The following UBTD2 variants were observed in gnomAD, a reference collection of about 807,000 sequenced individuals.
UBTD2 encodes the protein ubiquitin domain-containing protein 2.
A neutral mutation model predicts 19.8 loss-of-function variants in UBTD2; 9 were observed. The ratio of observed to expected loss-of-function variants is 0.46; its 90% CI spans 0.27 to 0.79. The LOEUF is 0.79. UBTD2 is among the 30% of genes least tolerant of loss of function. UBTD2 has a pLI of 0.14. For synonymous variants in UBTD2, 98 were observed against 103.9 expected (o/e 0.94, Z 0.35); for missense variants, 250 against 300.4 (o/e 0.83, Z 1.24).
At chr5:172,269,879 C>T (rs769460932) in intron 1 of UBTD2, among the ~76,000 whole-genome samples, 45 of 151,464 alleles carry the variant, frequency 3.0e-4, no homozygotes, top group African/African-American at 8.5e-4. Flanking sequence ...AGTTCGAGAC[C>T]GGCCTGGCCA....
chr5:172,236,807 T>A (rs559714145), intron 1 of UBTD2, among the ~76,000 whole-genome samples: 2 of 152,138 alleles, frequency 1.3e-5, no homozygotes, highest in Non-Finnish European at 2.9e-5. Context: ...TTACAAAGCA[T>A]GGACAAAAAC....
At chr5:172,266,900 T>C (rs910936229) in intron 1 of UBTD2, among the ~76,000 whole-genome samples, 2 of 152,002 alleles carry the variant, frequency 1.3e-5, no homozygotes, top group African/African-American at 4.8e-5. Flanking sequence ...ATCAGCCAGG[T>C]GCAGTGGTGT....
At chr5:172,280,239 G>A (rs1024837006) in intron 1 of UBTD2, among the ~76,000 whole-genome samples, 1 of 151,560 alleles carries the variant, frequency 6.6e-6, no homozygotes, top group Admixed American at 6.6e-5. Flanking sequence ...GGGCACAGTC[G>A]CTCACACCTG....
rs919067116 is a variant in UBTD2 at position 172,274,632 on chromosome 5, G to T, written c.70+8964C>A. 3.3e-5 allele frequency among the ~76,000 whole-genome samples: 5 copies of T among 152,146 alleles called. No homozygotes were observed. The South Asian group carries it at 1.0e-3, about 31-fold the overall frequency. On this transcript the variant is annotated intron_variant, in intron 1 of 2. Transcript: ENST00000393792. ...CACACCAACCTCAAAAGGGCTACTG[G>T]TATATTCTGGAATTGTATACCTAAG... is the stretch of plus-strand genomic sequence containing the variant.
rs67100133 is a variant in UBTD2 at position 172,211,347 on chromosome 5, CCAAAA to C, written c.*478_*482del. On this transcript the variant is annotated 3_prime_UTR_variant, in exon 3 of 3. Transcript: ENST00000393792. ...TACTGCTCTTTTCAGTTTCCATTAA[CCAAAA>C]CAAAACAAAACAAAACAAAACAAAA... 44,278 of 151,052 alleles carry C rather than the reference CCAAAA, an allele frequency of 0.29. 6,936 individuals carry two copies. The highest frequency in any genetic ancestry group is 0.35 in the Non-Finnish European group (23,987 of 67,746). 9.4% of individuals were successfully genotyped at this position (151,052 alleles called of 1,614,324 possible). A position where few individuals can be genotyped will look rare whatever the true frequency, so the allele number is the denominator to read the frequency against.
chr5:172,218,108 T>C (rs926023960), intron 2 of UBTD2, among the ~76,000 whole-genome samples: 1 of 152,028 alleles, frequency 6.6e-6, no homozygotes, highest in East Asian at 1.9e-4. Flanking sequence ...AAACACACCA[T>C]AACAAAATGA....
chr5:172,241,324 G>A (rs1481316536), intron 1 of UBTD2, among the ~76,000 whole-genome samples: 6 of 151,138 alleles, frequency 4.0e-5, no homozygotes, highest in Non-Finnish European at 1.5e-5. Flanking sequence ...CAGGAAAATC[G>A]CTTGAACCCT....
In UBTD2 at chr5:172,211,577, GT is replaced by G. The variant is rs1771447744; in HGVS notation, c.*252del. 1 of 388,784 alleles carries G rather than the reference GT, an allele frequency of 2.6e-6. No homozygotes were observed. Among genetic ancestry groups the G allele is most frequent in the South Asian group, 7.2e-5 (1 of 13,868 alleles). 24.1% of individuals were successfully genotyped at this position (388,784 alleles called of 1,614,324 possible). A position where few individuals can be genotyped will look rare whatever the true frequency, so the allele number is the denominator to read the frequency against. ...GTTGTTGAGTGTTCTAAAATAAATG[GT>G]TATCTATTTCTTAACTGCCTTTCAA... On this transcript the variant is annotated 3_prime_UTR_variant, in exon 3 of 3. Coordinates refer to ENST00000393792, the MANE Select transcript of UBTD2 (RefSeq NM_152277.3).
intron 2 of UBTD2, among the ~76,000 whole-genome samples, chr5:172,213,140 A>G (rs191801569): frequency 1.1e-3 from 172 of 151,076 alleles, no homozygotes; most frequent in African/African-American, 4.0e-3. Flanking sequence ...ACAGGCGCAC[A>G]CCACCACGCC....
At chr5:172,217,530 C>CTA (rs1339359420) in intron 2 of UBTD2, among the ~76,000 whole-genome samples, 2 of 151,946 alleles carry the variant, frequency 1.3e-5, no homozygotes, top group Admixed American at 6.6e-5. Context: ...GTCACCTAGA[C>CTA]TATAATACAC....
intron 1 of UBTD2, among the ~76,000 whole-genome samples, chr5:172,280,372 T>C (rs920924209): frequency 6.6e-6 from 1 of 151,956 alleles, no homozygotes; most frequent in African/African-American, 2.4e-5. Context: ...TAGCTGGGCA[T>C]GGTGGTGGGC....
At chr5:172,259,563 A>G (rs1026732652) in intron 1 of UBTD2, among the ~76,000 whole-genome samples, 20 of 152,150 alleles carry the variant, frequency 1.3e-4, no homozygotes, top group African/African-American at 4.6e-4. Flanking sequence ...CTCTATGTAT[A>G]TATGTTGTAT....
chr5:172,276,674 A>G (rs528984586), intron 1 of UBTD2, among the ~76,000 whole-genome samples: 1 of 151,670 alleles, frequency 6.6e-6, no homozygotes, highest in Non-Finnish European at 1.5e-5. Flanking sequence ...TTCATTTGTA[A>G]GGTTCATTAT....
At chr5:172,221,717 T>A (rs1475942529) in intron 2 of UBTD2, among the ~76,000 whole-genome samples, 2 of 152,072 alleles carry the variant, frequency 1.3e-5, no homozygotes, top group Non-Finnish European at 2.9e-5. Context: ...GATGAATAGG[T>A]AGAACACAGA....
Position 172,212,245 on chromosome 5 carries a change from A to G in UBTD2, c.308-18T>C, listed in dbSNP as rs760070050. On this transcript the variant is annotated intron_variant, in intron 2 of 2. Coordinates refer to ENST00000393792, the MANE Select transcript of UBTD2 (RefSeq NM_152277.3). ...AAGTGCACCTTCAGAAAGAGAAGAT[A>G]TGAATAAGAACTTAATCCTTAATGA... The G allele has an allele frequency of 8.3e-6, 13 of 1,567,560 alleles. No individual in the cohort carries two copies. The highest frequency in any genetic ancestry group is 3.4e-4 in the Middle Eastern group (2 of 5,860).
intron 2 of UBTD2, among the ~76,000 whole-genome samples, chr5:172,224,298 CTTTTTT>C (rs35105814): frequency 8.2e-6 from 1 of 121,650 alleles, no homozygotes; most frequent in Non-Finnish European, 1.7e-5. Flanking sequence ...TTTTTCATTT[CTTTTTT>C]TTTTTTTTTT....
intron 2 of UBTD2, among the ~76,000 whole-genome samples, chr5:172,229,746 T>C (rs539419192): frequency 1.3e-5 from 2 of 152,268 alleles, no homozygotes; most frequent in South Asian, 4.1e-4. Context: ...CTTTACAAGA[T>C]ACAGTTTCTG....
intron 1 of UBTD2, among the ~76,000 whole-genome samples, chr5:172,264,369 AC>A (rs1484817863): frequency 3.3e-5 from 5 of 151,574 alleles, no homozygotes; most frequent in African/African-American, 1.2e-4. Flanking sequence ...TAATGGTGAA[AC>A]CCCATCTCTA....
chr5:172,248,132 A>G (rs1754920283), intron 1 of UBTD2, among the ~76,000 whole-genome samples: 1 of 152,204 alleles, frequency 6.6e-6, no homozygotes, highest in East Asian at 1.9e-4. Flanking sequence ...GTGAACACAA[A>G]ACATACAAAA....
Sources: gnomAD v4.1 joint callset for allele counts (sites outside exome capture counted in the v4.1 genomes callset) on GRCh38, gnomAD v4.1.1 for gene constraint, MANE v1.5 for transcripts, NCBI Gene and HGNC (gene_info 2026-07-23, HGNC 2026-07-21) for gene names.